Variants in RNF138 observed in about 807,000 individuals in gnomAD.
RNF138 encodes the protein E3 ubiquitin-protein ligase RNF138.
Under a neutral mutation model 31.0 loss-of-function variants are expected in RNF138, and 12 were observed. The ratio of observed to expected loss-of-function variants is 0.39; its 90% CI spans 0.25 to 0.63. RNF138 has a LOEUF of 0.63. RNF138 is among the 20% of genes least tolerant of loss of function. The probability of loss-of-function intolerance (pLI) is 0.52; values close to 1 mark genes in which losing one functional copy is unlikely to be tolerated. For missense variants in RNF138, 192 were observed against 300.1 expected (o/e 0.64, Z 2.66); for synonymous variants, 105 against 99.5 (o/e 1.06, Z -0.33).
intron 1 of RNF138, among the ~76,000 whole-genome samples, 153 bp downstream of exon 1, chr18:32,092,388 G>T (rs1264091580): frequency 6.6e-6 from 1 of 152,090 alleles, no homozygotes; most frequent in Non-Finnish European, 1.5e-5. Context: ...GGCGAAGACG[G>T]GGGCTGAGGG....
At chr18:32,125,348 C>G (rs1291529821) in intron 6 of RNF138, 1 of 152,520 alleles carries the variant, frequency 6.6e-6, no homozygotes, top group East Asian at 1.9e-4. Flanking sequence ...TATTTTTTGA[C>G]ATTTTGAGGG....
At chr18:32,103,519 TG>T (rs2039976536) in intron 2 of RNF138, among the ~76,000 whole-genome samples, 1 of 152,048 alleles carries the variant, frequency 6.6e-6, no homozygotes, top group Non-Finnish European at 1.5e-5. Flanking sequence ...TAAACATTTT[TG>T]TGTACCTGAT....
intron 4 of RNF138, among the ~76,000 whole-genome samples, chr18:32,121,494 T>C (rs1441154197): frequency 5.9e-5 from 9 of 151,924 alleles, no homozygotes; most frequent in Admixed American, 5.9e-4. Flanking sequence ...AAACTCCATC[T>C]CAAAAAAAGA....
chr18:32,128,607 T>C (rs1420044153), intron 7 of RNF138, among the ~76,000 whole-genome samples: 2 of 152,242 alleles, frequency 1.3e-5, no homozygotes, highest in African/African-American at 4.8e-5. Context: ...CTGTCAGATA[T>C]TTGGCATTAT....
At chr18:32,092,527 A>C in intron 1 of RNF138, 173 bp from the exon 2 acceptor site, 1 of 486,198 alleles carries the variant, frequency 2.1e-6, no homozygotes, top group Non-Finnish European at 3.7e-6. Flanking sequence ...CCCGCCAAGC[A>C]CCGTCCCCCA....
At chr18:32,102,157 A>G (rs1237970700) in intron 2 of RNF138, among the ~76,000 whole-genome samples, 1 of 145,500 alleles carries the variant, frequency 6.9e-6, no homozygotes, top group Non-Finnish European at 1.5e-5. Context: ...TGCTGGTATT[A>G]CAGGTGTGAG....
At position 32,096,898 on chromosome 18, in the gene RNF138, T is replaced by TA. The variant is rs200779716; in HGVS notation, c.110+4020dup. 1.9e-4 allele frequency among the ~76,000 whole-genome samples: 29 copies of TA among 152,228 alleles called. No homozygotes were observed. The East Asian group carries it at 4.4e-3, about 23-fold the overall frequency. On this transcript the variant is annotated intron_variant, in intron 2 of 7. Coordinates refer to ENST00000261593, the MANE Select transcript of RNF138 (RefSeq NM_016271.5). ...GGCACTCACCACCATGCCTGGCTAT[T>TA]AAAAAAAATTTTTTTGTAGAGATGG...
Position 32,113,865 on chromosome 18 carries a change from G to A in RNF138, c.392+5G>A, listed in dbSNP as rs1160448564. 6.3e-6 allele frequency: 8 copies of A among 1,275,718 alleles called. No individual in the cohort carries two copies. The highest frequency in any genetic ancestry group is 8.9e-6 in the Non-Finnish European group (8 of 903,744). 79.0% of individuals were successfully genotyped at this position (1,275,718 alleles called of 1,614,324 possible). ...TCAAGATTCAGTAGGGAACAGGTAA[G>A]CAATACTTATTCCTAAATACAGAAT... On this transcript the variant is annotated splice_donor_5th_base_variant and intron_variant, in intron 4 of 7. Transcript: ENST00000261593.
At chr18:32,107,517 T>TGTTG (rs1426229658) in intron 2 of RNF138, among the ~76,000 whole-genome samples, 1 of 64,252 alleles carries the variant, frequency 1.6e-5, no homozygotes, top group African/African-American at 3.3e-5. Flanking sequence ...GTTTTTTGTT[T>TGTTG]GTTTGTTTGT....
chr18:32,127,066 A>G (rs1475771035), intron 7 of RNF138, among the ~76,000 whole-genome samples: 1 of 152,176 alleles, frequency 6.6e-6, no homozygotes, highest in Non-Finnish European at 1.5e-5. Flanking sequence ...GATGATTTAC[A>G]TGAAAACTCT....
intron 2 of RNF138, 114 bp downstream of exon 2, chr18:32,093,000 A>G (rs2039730010): frequency 1.9e-6 from 1 of 534,022 alleles, no homozygotes; most frequent in East Asian, 3.6e-5. Flanking sequence ...GGCCTGCCCG[A>G]GCGTCGCTGC....
chr18:32,102,894 G>A (rs1282714890), intron 2 of RNF138, among the ~76,000 whole-genome samples: 3 of 152,116 alleles, frequency 2.0e-5, no homozygotes, highest in Admixed American at 6.5e-5. Flanking sequence ...GCCTCACAAA[G>A]TGTAGGGATT....
chr18:32,104,305 A>T (rs2039992843), intron 2 of RNF138, among the ~76,000 whole-genome samples: 1 of 151,904 alleles, frequency 6.6e-6, no homozygotes, highest in South Asian at 2.1e-4. Flanking sequence ...AAGCCACCAG[A>T]CCTGGCCTAA....
At chr18:32,103,787 C>T (rs2144579673) in intron 2 of RNF138, among the ~76,000 whole-genome samples, 1 of 151,862 alleles carries the variant, frequency 6.6e-6, no homozygotes, top group East Asian at 2.0e-4. Flanking sequence ...CATGGTGAAA[C>T]CCCATCTCTA....
intron 7 of RNF138, among the ~76,000 whole-genome samples, chr18:32,128,381 T>TAA (rs1211264017): frequency 6.6e-6 from 1 of 152,112 alleles, no homozygotes; most frequent in East Asian, 1.9e-4. Context: ...CTACTAAAGA[T>TAA]ACAAAAATTA....
chr18:32,122,984 G>A (rs2040329971), intron 4 of RNF138, among the ~76,000 whole-genome samples: 1 of 152,214 alleles, frequency 6.6e-6, no homozygotes, highest in African/African-American at 2.4e-5. Flanking sequence ...AAGTGGAGAT[G>A]TTAAGTTGTT....
At chr18:32,123,652 CTTTTTT>C in intron 5 of RNF138, 78 bp downstream of exon 5, 7 of 636,958 alleles carry the variant, frequency 1.1e-5, no homozygotes, top group East Asian at 3.8e-5. Flanking sequence ...TTAAATTAAA[CTTTTTT>C]TTTTTTTTTT....
chr18:32,121,094 C>T (rs1223120172), intron 4 of RNF138, among the ~76,000 whole-genome samples: 1 of 151,260 alleles, frequency 6.6e-6, no homozygotes, highest in Non-Finnish European at 1.5e-5. Context: ...GCGATCGCGC[C>T]GCTGCACTCC....
intron 6 of RNF138, among the ~76,000 whole-genome samples, chr18:32,125,416 A>G (rs939740727): frequency 1.3e-5 from 2 of 152,206 alleles, no homozygotes; most frequent in Non-Finnish European, 2.9e-5. Flanking sequence ...AGAATTCAGG[A>G]TTCCAACATA....
Sources: allele counts gnomAD v4.1 joint callset (sites outside exome capture counted in the v4.1 genomes callset), GRCh38; gene constraint gnomAD v4.1.1; transcripts MANE v1.5; gene names NCBI Gene and HGNC (gene_info 2026-07-23, HGNC 2026-07-21).